The following GPHN variants were observed in gnomAD, a reference collection of about 807,000 sequenced individuals.
GPHN encodes the protein gephyrin.
In GPHN, 17 loss-of-function variants were observed where a neutral mutation model predicts 95.5. That is an observed-to-expected ratio of 0.18 (90% CI 0.12 to 0.27). The LOEUF (loss-of-function observed/expected upper bound fraction) is 0.27, where lower values mean the gene tolerates loss of function less well. GPHN is among the 10% of genes least tolerant of loss of function. The pLI is 1.00. For missense variants in GPHN, 660 were observed against 978.1 expected (o/e 0.67, Z 4.34); for synonymous variants, 320 against 322.5 (o/e 0.99, Z 0.08).
the GPHN span, among the ~76,000 whole-genome samples, chr14:67,410,261 A>C: frequency 6.6e-6 from 1 of 152,092 alleles, no homozygotes; most frequent in African/African-American, 2.4e-5. Context: ...GAACAGGAGA[A>C]GGCCTCCAAA....
intron 11 of GPHN, among the ~76,000 whole-genome samples, chr14:67,081,678 C>G (rs2076703274): frequency 6.6e-6 from 1 of 152,174 alleles, no homozygotes; most frequent in South Asian, 2.1e-4. Context: ...TTGCCTAAGC[C>G]AATGTCTAGA....
chr14:66,977,614 A>G (rs929426707), intron 9 of GPHN, among the ~76,000 whole-genome samples: 1 of 152,170 alleles, frequency 6.6e-6, no homozygotes, highest in African/African-American at 2.4e-5. Flanking sequence ...GTACACACAT[A>G]TATAAGTTAT....
intron 3 of GPHN, among the ~76,000 whole-genome samples, chr14:66,809,315 G>A (rs928713985): frequency 6.6e-6 from 1 of 151,928 alleles, no homozygotes; most frequent in Non-Finnish European, 1.5e-5. Flanking sequence ...CTCCTTAATA[G>A]GATTGTGACC....
intron 11 of GPHN, among the ~76,000 whole-genome samples, chr14:67,072,227 C>T (rs778839357): frequency 4.6e-5 from 7 of 152,076 alleles, no homozygotes; most frequent in Non-Finnish European, 1.0e-4. Context: ...GAAGTAATGG[C>T]ATAAAAATAC....
the GPHN span, among the ~76,000 whole-genome samples, chr14:67,246,107 A>G: frequency 1.3e-5 from 2 of 151,390 alleles, no homozygotes; most frequent in Admixed American, 6.6e-5. Flanking sequence ...TATTTTGTCT[A>G]TCCTTTTTAT....
intron 1 of GPHN, among the ~76,000 whole-genome samples, chr14:66,591,916 G>C (rs2061665579): frequency 6.6e-6 from 1 of 152,082 alleles, no homozygotes; most frequent in Admixed American, 6.6e-5. Context: ...TACTACAAAG[G>C]CTACAGTAAC....
chr14:67,361,170 A>G, the GPHN span, among the ~76,000 whole-genome samples: 2 of 152,262 alleles, frequency 1.3e-5, no homozygotes, highest in Non-Finnish European at 2.9e-5. Flanking sequence ...ATACACAGTC[A>G]TGCTGAGGTC....
At position 67,140,740 on chromosome 14, in the gene GPHN, A is replaced by G. The variant is rs117196066; in HGVS notation, c.1749-2622A>G. The stretch of plus-strand genomic sequence containing the variant: ...GAACCATTGGCTTAGCATAATGATA[A>G]TATGATCCAGCAAGGCAAGGAGCCC... On this transcript the variant is annotated intron_variant, in intron 17 of 22. Transcript: ENST00000478722. 7.5e-4 allele frequency among the ~76,000 whole-genome samples: 114 copies of G among 152,312 alleles called. 1 individual carries two copies. The East Asian group carries it at 0.021, about 28-fold the overall frequency.
chr14:67,666,482 T>G, the GPHN span, among the ~76,000 whole-genome samples: 4 of 152,356 alleles, frequency 2.6e-5, no homozygotes, highest in East Asian at 7.7e-4. Flanking sequence ...AGATCCTTTC[T>G]GGACTTCTAA....
chr14:67,194,138 A>G, the GPHN span, among the ~76,000 whole-genome samples: 75 of 151,348 alleles, frequency 5.0e-4, no homozygotes, highest in Non-Finnish European at 8.4e-4. Context: ...CGAGGTGGGC[A>G]GATTGCTTGA....
rs147537707 is a variant in GPHN, at chr14:66,546,079, T to A, written c.64+37488T>A. On this transcript the variant is annotated intron_variant, in intron 1 of 22. Coordinates refer to ENST00000478722, the MANE Select transcript of GPHN (RefSeq NM_020806.5). ...GGTTGCGGCCGGGTAGAGGTGCTCCTCACATCCCAGACGGGGCGGCGGGGC... is the reference window on the plus strand; with the variant it reads ...GGTTGCGGCCGGGTAGAGGTGCTCCACACATCCCAGACGGGGCGGCGGGGC... Among the ~76,000 whole-genome samples, 376 of 148,700 alleles carry A rather than the reference T, an allele frequency of 2.5e-3. 2 individuals carry two copies. The highest frequency in any genetic ancestry group is 4.2e-3 in the Non-Finnish European group (280 of 67,426).
In GPHN at chr14:67,029,515, T is replaced by C. The variant is rs112672916; in HGVS notation, c.1006+5840T>C. Among the ~76,000 whole-genome samples the C allele has an allele frequency of 8.5e-5, 13 of 152,218 alleles. 2 individuals are homozygous for C. The highest frequency in any genetic ancestry group is 3.1e-4 in the African/African-American group (13 of 41,554). ...ACCACACCCAGCTAATTTCGTATTT[T>C]TAGTAGAGATGGGATTTCACCATGT... is the stretch of plus-strand genomic sequence containing the variant. On this transcript the variant is annotated intron_variant, in intron 10 of 22. Coordinates refer to ENST00000478722, the MANE Select transcript of GPHN (RefSeq NM_020806.5).
the GPHN span, among the ~76,000 whole-genome samples, chr14:67,347,923 T>C: frequency 2.6e-5 from 4 of 151,994 alleles, no homozygotes; most frequent in Non-Finnish European, 5.9e-5. Flanking sequence ...CTTCTTTTTT[T>C]TTTTTTGAGA....
At chr14:66,796,449 T>G (rs2060160658) in intron 3 of GPHN, among the ~76,000 whole-genome samples, 1 of 152,146 alleles carries the variant, frequency 6.6e-6, no homozygotes, top group Non-Finnish European at 1.5e-5. Flanking sequence ...TCATAGAGTT[T>G]GTAATAATTT....
chr14:67,231,782 C>G, the GPHN span, among the ~76,000 whole-genome samples: 44 of 152,128 alleles, frequency 2.9e-4, no homozygotes, highest in Non-Finnish European at 2.4e-4. Context: ...GCCTGGCCAA[C>G]ATGGTGAAAT....
the GPHN span, among the ~76,000 whole-genome samples, chr14:67,523,604 T>A: frequency 6.6e-6 from 1 of 152,248 alleles, no homozygotes; most frequent in Admixed American, 6.5e-5. Context: ...TGTGCGATTA[T>A]TTGTGTTCTA....
intron 9 of GPHN, among the ~76,000 whole-genome samples, chr14:67,006,497 GGCATGAACTAAT>G (rs1254482261): frequency 1.3e-5 from 2 of 152,048 alleles, no homozygotes; most frequent in Non-Finnish European, 2.9e-5. Context: ...TGAGAATCAT[GGCATGAACTAAT>G]GCATGGCTCT....
the GPHN span, among the ~76,000 whole-genome samples, chr14:67,327,538 A>G: frequency 6.6e-6 from 1 of 151,692 alleles, no homozygotes; most frequent in East Asian, 1.9e-4. Flanking sequence ...TGTGCACAAC[A>G]TGCAGGTTTG....
chr14:67,702,586 A>C, the GPHN span, among the ~76,000 whole-genome samples: 1 of 152,214 alleles, frequency 6.6e-6, no homozygotes, highest in Admixed American at 6.5e-5. Context: ...AATTTTGAAG[A>C]CATTTTAATA....
Sources: allele counts gnomAD v4.1 joint callset (sites outside exome capture counted in the v4.1 genomes callset), GRCh38; gene constraint gnomAD v4.1.1; transcripts MANE v1.5; gene names NCBI Gene and HGNC (gene_info 2026-07-23, HGNC 2026-07-21).